The following SPATA13 variants were observed in gnomAD, a reference collection of about 807,000 sequenced individuals.
SPATA13 encodes spermatogenesis associated 13, also known as spermatogenesis-associated protein 13.
In SPATA13, 50 loss-of-function variants were observed where a neutral mutation model predicts 104.0. That is an observed-to-expected ratio of 0.48 (90% CI 0.38 to 0.61). SPATA13 has a LOEUF of 0.61. SPATA13 is among the 20% of genes least tolerant of loss of function. The probability of loss-of-function intolerance (pLI) is 0.00; values close to 1 mark genes in which losing one functional copy is unlikely to be tolerated. For synonymous variants in SPATA13, 606 were observed against 667.5 expected (o/e 0.91, Z 1.42); for missense variants, 1,524 against 1,690.6 (o/e 0.90, Z 1.73).
rs185788612 is a variant in SPATA13 at position 24,078,904 on chromosome 13, T to A, written c.-112+61203T>A. Among the ~76,000 whole-genome samples, 649 of 152,326 alleles carry A rather than the reference T, an allele frequency of 4.3e-3. 4 individuals carry two copies. Among genetic ancestry groups the A allele is most frequent in the Non-Finnish European group, 7.4e-3 (502 of 68,024 alleles). ...TGCTGGGTACTGTGGACCCAACAGTTTGGGAGATGGGCACAGCTTCTTGGT... is the reference window on the plus strand; with the variant it reads ...TGCTGGGTACTGTGGACCCAACAGTATGGGAGATGGGCACAGCTTCTTGGT... On this transcript the variant is annotated intron_variant, in intron 3 of 14. Transcript: ENST00000424834.
rs115405543 is a variant in SPATA13 at position 24,019,858 on chromosome 13, A to G, written c.-112+2157A>G. Among the ~76,000 whole-genome samples, 1,154 of 152,322 alleles carry G rather than the reference A, an allele frequency of 7.6e-3. 11 individuals carry two copies. The highest frequency in any genetic ancestry group is 0.026 in the African/African-American group (1,071 of 41,562). On this transcript the variant is annotated intron_variant, in intron 3 of 14. Coordinates refer to the SPATA13 transcript ENST00000424834. Reference sequence around the variant, plus strand: ...TGAGGTCACATTAGCGTTCACAGGCATAGATTTCAACATGCCAGTGAAGAC... The same window carrying G: ...TGAGGTCACATTAGCGTTCACAGGCGTAGATTTCAACATGCCAGTGAAGAC...
intron 1 of SPATA13, among the ~76,000 whole-genome samples, chr13:24,179,394 A>C (rs1868649518): frequency 6.6e-6 from 1 of 152,230 alleles, no homozygotes; most frequent in Non-Finnish European, 1.5e-5. Flanking sequence ...CATTTCCATC[A>C]GCTATGTATG....
rs78272775 is a variant in SPATA13 at position 24,230,948 on chromosome 13, G to T, written c.1653+6366G>T. ...TTGATCAGACCAGCTCTGTAGAGAG[G>T]TCTAATTTGCATAACATCAACTCAC... is the stretch of plus-strand genomic sequence containing the variant. On this transcript the variant is annotated intron_variant, in intron 2 of 12. Coordinates refer to ENST00000382108, the MANE Select transcript of SPATA13 (RefSeq NM_001166271.3). 4.6e-3 allele frequency among the ~76,000 whole-genome samples: 694 copies of T among 152,278 alleles called. 37 individuals are homozygous for T. The East Asian group carries it at 0.11, about 24-fold the overall frequency.
chr13:24,092,334 G>T (rs2137792352), intron 3 of SPATA13, among the ~76,000 whole-genome samples: 1 of 152,276 alleles, frequency 6.6e-6, no homozygotes, highest in South Asian at 2.1e-4. Context: ...TAAAACACTA[G>T]ATATTTATTT....
At chr13:24,213,159 G>T (rs1237556187) in intron 1 of SPATA13, among the ~76,000 whole-genome samples, 2 of 152,248 alleles carry the variant, frequency 1.3e-5, no homozygotes, top group Admixed American at 6.5e-5. Context: ...GGAACATTGT[G>T]GGGGTGAGAG....
chr13:24,114,777 C>G (rs1465708576), intron 3 of SPATA13, among the ~76,000 whole-genome samples: 1 of 152,138 alleles, frequency 6.6e-6, no homozygotes, highest in East Asian at 1.9e-4. Flanking sequence ...ATTCTCTTGT[C>G]TCAGCCTCCC....
chr13:24,300,418 A>C lies in SPATA13; in HGVS notation c.3601A>C (p.Asn1201His). ...AAATGCAGGAATGGAAATTTCAGAA[A>C]ACCAGAAGAAACTTGCCATGTTAAA... Reference protein sequence around the residue: ...DKEMGMEISENQKKLAMLNAQ... With the variant: ...DKEMGMEISEHQKKLAMLNAQ... The change falls in exon 12 of 13, where the codon AAC becomes CAC. Residue 1201 changes from asparagine (N) to histidine (H), a missense_variant. Asn to His is a moderately conservative substitution (Grantham distance 68). Transcript: ENST00000382108. 1 of 1,613,464 alleles carries C rather than the reference A, an allele frequency of 6.2e-7. No homozygotes were observed. Among genetic ancestry groups the C allele is most frequent in the Non-Finnish European group, 8.5e-7 (1 of 1,179,830 alleles).
chr13:24,079,226 G>A (rs879906688), intron 3 of SPATA13, among the ~76,000 whole-genome samples: 2 of 152,200 alleles, frequency 1.3e-5, no homozygotes, highest in Non-Finnish European at 2.9e-5. Context: ...GAGACTTTGG[G>A]TGTGAAGTAG....
At chr13:24,081,775 G>A (rs1283110206) in intron 3 of SPATA13, among the ~76,000 whole-genome samples, 3 of 152,218 alleles carry the variant, frequency 2.0e-5, no homozygotes, top group Non-Finnish European at 4.4e-5. Flanking sequence ...CAGTCCTGGA[G>A]CTCATTCCCC....
chr13:24,017,796 A>G, intron 3 of SPATA13: 1 of 680,282 alleles, frequency 1.5e-6, no homozygotes, highest in Non-Finnish European at 1.8e-6. Context: ...TCTGTATGTT[A>G]ACTCCGTAAT....
intron 1 of SPATA13, among the ~76,000 whole-genome samples, chr13:23,980,890 C>T (rs944123363): frequency 5.3e-5 from 8 of 152,074 alleles, no homozygotes; most frequent in African/African-American, 9.7e-5. Context: ...CTGCGCCTGG[C>T]CAACAAAGTT....
At chr13:24,048,166 T>A (rs1878214901) in intron 3 of SPATA13, among the ~76,000 whole-genome samples, 2 of 152,198 alleles carry the variant, frequency 1.3e-5, no homozygotes, top group Admixed American at 1.3e-4. Context: ...AAATAATATT[T>A]TACCTGCCAC....
At chr13:24,137,268 A>G (rs556017465) in intron 3 of SPATA13, among the ~76,000 whole-genome samples, 1 of 152,324 alleles carries the variant, frequency 6.6e-6, no homozygotes, top group East Asian at 1.9e-4. Flanking sequence ...AACTGAAAGA[A>G]GAAGACATGG....
Position 24,180,530 on chromosome 13 carries a change from G to A in SPATA13, c.-112+19598G>A, listed in dbSNP as rs373061910. ...ATCAGCTTGCAAATCATGCAAAGTCGTCAGCCAGGATTTTGATAGGATTGT... is the reference window on the plus strand; with the variant it reads ...ATCAGCTTGCAAATCATGCAAAGTCATCAGCCAGGATTTTGATAGGATTGT... On this transcript the variant is annotated intron_variant, in intron 1 of 12. Transcript: ENST00000382108. Among the ~76,000 whole-genome samples the A allele has an allele frequency of 9.2e-5, 14 of 152,252 alleles. No homozygotes were observed. In the East Asian group the frequency reaches 1.2e-3, roughly 13 times the overall value.
At chr13:24,006,205 T>C (rs888503554) in intron 2 of SPATA13, among the ~76,000 whole-genome samples, 3 of 152,214 alleles carry the variant, frequency 2.0e-5, no homozygotes, top group African/African-American at 7.2e-5. Context: ...TAAGTCTAAA[T>C]GTCAGTGTTC....
Position 24,049,853 on chromosome 13 carries a change from T to C in SPATA13, c.-112+32152T>C, listed in dbSNP as rs1007706097. Reference sequence around the variant, plus strand: ...AAGAGGGAAATCGGATTCTTTCCATTTGCAGACATTTTCAGACTCGTTCTT... The same window carrying C: ...AAGAGGGAAATCGGATTCTTTCCATCTGCAGACATTTTCAGACTCGTTCTT... On this transcript the variant is annotated intron_variant, in intron 3 of 14. Coordinates refer to the SPATA13 transcript ENST00000424834. Among the ~76,000 whole-genome samples the C allele has an allele frequency of 5.3e-5, 8 of 152,126 alleles. 1 individual carries two copies. The East Asian group carries it at 1.5e-3, about 29-fold the overall frequency.
intron 3 of SPATA13, among the ~76,000 whole-genome samples, chr13:24,110,350 A>G (rs1265956090): frequency 2.0e-5 from 3 of 152,118 alleles, no homozygotes; most frequent in African/African-American, 7.2e-5. Context: ...TCTACAGGGA[A>G]TAAGGGGAAA....
At chr13:24,299,378 G>A (rs1004886334) in intron 11 of SPATA13, among the ~76,000 whole-genome samples, 4 of 152,234 alleles carry the variant, frequency 2.6e-5, no homozygotes, top group Admixed American at 6.5e-5. Flanking sequence ...GAACTGGCAC[G>A]TGTGGGATAA....
chr13:24,146,269 C>T (rs763487813), intron 3 of SPATA13, among the ~76,000 whole-genome samples: 4 of 152,172 alleles, frequency 2.6e-5, no homozygotes, highest in Admixed American at 6.5e-5. Flanking sequence ...CCAATTAAAT[C>T]GGGGCACTCC....
Sources: gnomAD v4.1 joint callset for allele counts (sites outside exome capture counted in the v4.1 genomes callset) on GRCh38, gnomAD v4.1.1 for gene constraint, MANE v1.5 for transcripts, NCBI Gene and HGNC (gene_info 2026-07-23, HGNC 2026-07-21) for gene names.